DDI2: variants seen among roughly 807,000 people sequenced by gnomAD.
The protein encoded by DDI2 is DDI proteasomal shuttling factor 2.
Under a neutral mutation model 48.1 loss-of-function variants are expected in DDI2, and 5 were observed. The ratio of observed to expected loss-of-function variants is 0.10; its 90% CI spans 0.05 to 0.22. The LOEUF (loss-of-function observed/expected upper bound fraction) is 0.22. Among genes scored for constraint, DDI2 ranks in the 10% least tolerant of loss-of-function variants. The pLI is 1.00. For missense variants in DDI2, 285 were observed against 506.2 expected (o/e 0.56, Z 4.19); for synonymous variants, 205 against 183.6 (o/e 1.12, Z -0.94).
intron 2 of DDI2, among the ~76,000 whole-genome samples, chr1:15,629,100 A>G (rs1234863680): frequency 6.6e-6 from 1 of 152,216 alleles, no homozygotes; most frequent in Non-Finnish European, 1.5e-5. Context: ...CTGAGAACCT[A>G]TGCAAGTCCC....
chr1:15,627,731 A>C (rs1639781003), intron 2 of DDI2, among the ~76,000 whole-genome samples: 1 of 152,224 alleles, frequency 6.6e-6, no homozygotes, highest in Non-Finnish European at 1.5e-5. Flanking sequence ...ATATTCAGAT[A>C]GATTTTCTTA....
At chr1:15,642,204 G>T (rs1195388779) in intron 5 of DDI2, among the ~76,000 whole-genome samples, 2 of 152,288 alleles carry the variant, frequency 1.3e-5, no homozygotes, top group East Asian at 3.9e-4. Flanking sequence ...CAAGAATGTA[G>T]AACTAGAGTT....
chr1:15,661,953 A>G lies in DDI2; in HGVS notation c.*2163A>G, dbSNP rs1243285039. The G allele has an allele frequency of 4.0e-6, 2 of 505,632 alleles. No homozygotes were observed. Among genetic ancestry groups the G allele is most frequent in the Non-Finnish European group, 6.5e-6 (2 of 307,840 alleles). 31.3% of individuals were successfully genotyped at this position (505,632 alleles called of 1,614,324 possible). ...TTAAAATTTAGGCCTTTTTAAATGT[A>G]TTGGCAGTATGTGCATACAGAAGCT... is the stretch of plus-strand genomic sequence containing the variant. On this transcript the variant is annotated 3_prime_UTR_variant, in exon 10 of 10. Transcript: ENST00000480945.
Position 15,659,945 on chromosome 1 carries a change from C to T in DDI2, c.*155C>T. 1 of 1,613,922 alleles carries T rather than the reference C, an allele frequency of 6.2e-7. No homozygotes were observed. The highest frequency in any genetic ancestry group is 8.5e-7 in the Non-Finnish European group (1 of 1,179,926). On this transcript the variant is annotated 3_prime_UTR_variant, in exon 10 of 10. Transcript: ENST00000480945. The stretch of plus-strand genomic sequence containing the variant: ...GGACAGAGTCCTGATGTTGGTAATC[C>T]TATGAGTCTTGCTCGCTCTGTCTCT...
At chr1:15,653,518 CAAAAA>C (rs891734584) in intron 8 of DDI2, among the ~76,000 whole-genome samples, 8 of 151,758 alleles carry the variant, frequency 5.3e-5, no homozygotes, top group African/African-American at 1.9e-4. Flanking sequence ...GAAGAACCAA[CAAAAA>C]GAAGTATAAA....
At chr1:15,625,807 C>G (rs1369712521) in intron 1 of DDI2, among the ~76,000 whole-genome samples, 1 of 152,092 alleles carries the variant, frequency 6.6e-6, no homozygotes, top group East Asian at 1.9e-4. Flanking sequence ...TTAGTAGAGA[C>G]GGAGTTTCAC....
intron 5 of DDI2, among the ~76,000 whole-genome samples, chr1:15,639,998 G>A (rs1639982375): frequency 6.6e-6 from 1 of 151,650 alleles, no homozygotes; most frequent in South Asian, 2.1e-4. Flanking sequence ...CAGCCTGGGT[G>A]AGTGAGACCC....
intron 4 of DDI2, 191 bp downstream of exon 4, chr1:15,633,756 T>C: frequency 2.6e-6 from 2 of 764,862 alleles, no homozygotes; most frequent in Non-Finnish European, 4.3e-6. Context: ...ATGACAAAGA[T>C]ATAGGTGCTT....
intron 3 of DDI2, 112 bp downstream of exon 3, chr1:15,630,673 C>G (rs1639828940): frequency 1.3e-6 from 1 of 759,402 alleles, no homozygotes; most frequent in Non-Finnish European, 2.2e-6. Context: ...ATTGAACATA[C>G]CAGTTTTTTC....
chr1:15,661,805 C>G lies in DDI2; in HGVS notation c.*2015C>G. ...CTATATACACGCACACATACACACTCACCACATATACAGTATATATAGAAA... is the reference window on the plus strand; with the variant it reads ...CTATATACACGCACACATACACACTGACCACATATACAGTATATATAGAAA... On this transcript the variant is annotated 3_prime_UTR_variant, in exon 10 of 10. Transcript: ENST00000480945. 6.8e-7 allele frequency: 1 copy of G among 1,468,752 alleles called. No individual in the cohort carries two copies. Among genetic ancestry groups the G allele is most frequent in the Non-Finnish European group, 9.0e-7 (1 of 1,106,534 alleles). The allele number at this position is 1,468,752 out of a possible 1,614,324, so 91.0% of individuals were successfully genotyped here. A position where few individuals can be genotyped will look rare whatever the true frequency, so the allele number is the denominator to read the frequency against.
chr1:15,661,444 C>G lies in DDI2; in HGVS notation c.*1654C>G, dbSNP rs1291442800. ...TTTCATATTGGTTAAAGACTTAGGT[C>G]AGGGCATACAGAATTCAGTAACAGA... is the stretch of plus-strand genomic sequence containing the variant. On this transcript the variant is annotated 3_prime_UTR_variant, in exon 10 of 10. Coordinates refer to ENST00000480945, the MANE Select transcript of DDI2 (RefSeq NM_032341.5). 2.5e-6 allele frequency: 4 copies of G among 1,614,006 alleles called. No homozygotes were observed. Among genetic ancestry groups the G allele is most frequent in the South Asian group, 1.1e-5 (1 of 91,016 alleles).
intron 9 of DDI2, among the ~76,000 whole-genome samples, chr1:15,659,277 G>T (rs1410391109): frequency 6.6e-6 from 1 of 152,148 alleles, no homozygotes; most frequent in Non-Finnish European, 1.5e-5. Context: ...TGTAACCTCA[G>T]TGTTCACATT....
chr1:15,652,058 CT>C (rs772990709), intron 8 of DDI2, among the ~76,000 whole-genome samples, 163 bp downstream of exon 8: 181 of 75,964 alleles, frequency 2.4e-3, no homozygotes, highest in Middle Eastern at 8.3e-3. Flanking sequence ...TTTGATCTTC[CT>C]TTTTTTTTTT....
intron 5 of DDI2, 121 bp downstream of exon 5, chr1:15,638,555 GAC>G (rs1639960062): frequency 1.1e-6 from 1 of 871,062 alleles, no homozygotes. Context: ...TTTTTTTTGA[GAC>G]AGAGTCTTGC....
intron 4 of DDI2, among the ~76,000 whole-genome samples, chr1:15,637,993 G>A (rs1304308191): frequency 3.9e-5 from 6 of 152,162 alleles, no homozygotes; most frequent in African/African-American, 1.2e-4. Flanking sequence ...GAACATTCCC[G>A]AAATTCTAAC....
chr1:15,630,878 C>CT (rs1639832515), intron 3 of DDI2, among the ~76,000 whole-genome samples: 1 of 152,208 alleles, frequency 6.6e-6, no homozygotes. Context: ...GAGTCTTGCT[C>CT]TTTCGCCCAG....
At chr1:15,640,313 CTA>C (rs1266642935) in intron 5 of DDI2, among the ~76,000 whole-genome samples, 3 of 152,164 alleles carry the variant, frequency 2.0e-5, no homozygotes, top group Non-Finnish European at 4.4e-5. Flanking sequence ...CAGAATATCT[CTA>C]TGTACTTTGT....
At chr1:15,638,282 TGTCC>T in intron 4 of DDI2, 21 bp from the exon 5 acceptor site, 1 of 1,612,686 alleles carries the variant, frequency 6.2e-7, no homozygotes, top group Non-Finnish European at 8.5e-7. Context: ...ATGCTTTCAG[TGTCC>T]CTGGTCTTGT....
At position 15,664,196 on chromosome 1, in the gene DDI2, T is replaced by A. The variant is rs1166342300; in HGVS notation, c.*4406T>A. 6.6e-6 allele frequency: 1 copy of A among 152,184 alleles called. No homozygotes were observed. Among genetic ancestry groups the A allele is most frequent in the African/African-American group, 2.4e-5 (1 of 41,440 alleles). 9.4% of individuals were successfully genotyped at this position (152,184 alleles called of 1,614,324 possible). On this transcript the variant is annotated 3_prime_UTR_variant, in exon 10 of 10. Coordinates refer to ENST00000480945, the MANE Select transcript of DDI2 (RefSeq NM_032341.5). ...CCAAAGTATAATTGCTTTTGATTTTTAAAATCTTCTTGCCCATCATTTTTA... is the reference window on the plus strand; with the variant it reads ...CCAAAGTATAATTGCTTTTGATTTTAAAAATCTTCTTGCCCATCATTTTTA...
Sources: allele counts gnomAD v4.1 joint callset (sites outside exome capture counted in the v4.1 genomes callset), GRCh38; gene constraint gnomAD v4.1.1; transcripts MANE v1.5; gene names NCBI Gene and HGNC (gene_info 2026-07-23, HGNC 2026-07-21).